Variants in SAMD5 observed in about 807,000 individuals in gnomAD.
SAMD5 encodes sterile alpha motif domain containing 5.
In SAMD5, 13 loss-of-function variants were observed where a neutral mutation model predicts 11.3. The ratio of observed to expected loss-of-function variants is 1.15; its 90% CI spans 0.75 to 1.83. SAMD5 has a LOEUF of 1.83. SAMD5 is among the 40% of genes most tolerant of loss of function. The pLI is 0.00. For missense variants in SAMD5, 255 were observed against 239.1 expected (o/e 1.07, Z -0.44); for synonymous variants, 129 against 111.3 (o/e 1.16, Z -1.00).
At chr6:147,705,832 C>T (rs541420463) in intron 1 of SAMD5, among the ~76,000 whole-genome samples, 6 of 152,266 alleles carry the variant, frequency 3.9e-5, no homozygotes, top group Admixed American at 2.0e-4. Flanking sequence ...TCATTGGGCT[C>T]TTCAGTGGGA....
the SAMD5 span, among the ~76,000 whole-genome samples, chr6:147,769,839 C>G: frequency 6.6e-6 from 1 of 152,160 alleles, no homozygotes; most frequent in South Asian, 2.1e-4. Context: ...ATTACACTTT[C>G]CCTTTGGTCT....
the SAMD5 span, among the ~76,000 whole-genome samples, chr6:147,930,680 G>A: frequency 6.6e-6 from 1 of 152,158 alleles, no homozygotes; most frequent in Non-Finnish European, 1.5e-5. Flanking sequence ...ATGTAGGCCA[G>A]AGGCCTGAGA....
intron 1 of SAMD5, among the ~76,000 whole-genome samples, chr6:147,534,594 G>GC (rs1191516286): frequency 6.6e-6 from 1 of 152,140 alleles, no homozygotes; most frequent in African/African-American, 2.4e-5. Context: ...GAGGGGCGAC[G>GC]CCAGTGAGCC....
At chr6:147,621,483 C>T (rs1403961435) in intron 1 of SAMD5, among the ~76,000 whole-genome samples, 2 of 152,120 alleles carry the variant, frequency 1.3e-5, no homozygotes, top group African/African-American at 4.8e-5. Flanking sequence ...TTCAGGAATC[C>T]ATCCAACAGC....
chr6:147,617,630 G>T (rs1261883925), intron 1 of SAMD5, among the ~76,000 whole-genome samples: 2 of 152,220 alleles, frequency 1.3e-5, no homozygotes, highest in African/African-American at 2.4e-5. Flanking sequence ...GGAAACAAAT[G>T]CTGGGTTACA....
At chr6:147,572,499 A>G (rs1255367688), downstream of SAMD5, among the ~76,000 whole-genome samples, 1 of 152,182 alleles carries the variant, frequency 6.6e-6, no homozygotes, top group Non-Finnish European at 1.5e-5. Flanking sequence ...ACAGTGAGAC[A>G]GGGTCTCACC....
At chr6:147,653,660 C>A (rs1246749314) in intron 1 of SAMD5, among the ~76,000 whole-genome samples, 2 of 152,190 alleles carry the variant, frequency 1.3e-5, no homozygotes, top group African/African-American at 4.8e-5. Flanking sequence ...AAAAAAGACA[C>A]TTTCAAATAT....
At chr6:147,896,136 A>G in the SAMD5 span, among the ~76,000 whole-genome samples, 25 of 152,166 alleles carry the variant, frequency 1.6e-4, no homozygotes, top group East Asian at 4.2e-3. Flanking sequence ...GAACTTTGCT[A>G]TTTTCCTGTT....
the SAMD5 span, among the ~76,000 whole-genome samples, chr6:147,855,035 G>A: frequency 1.3e-5 from 2 of 152,088 alleles, no homozygotes; most frequent in South Asian, 2.1e-4. Context: ...AAAAAGTTTT[G>A]GAGGCTTCAG....
intron 1 of SAMD5, among the ~76,000 whole-genome samples, chr6:147,579,814 G>A (rs976091313): frequency 1.3e-5 from 2 of 152,030 alleles, no homozygotes. Context: ...TATAGGCTGG[G>A]TATTTTCCAA....
intron 1 of SAMD5, 135 bp from the exon 2 acceptor site, chr6:147,564,259 C>T: frequency 1.6e-6 from 1 of 613,478 alleles, no homozygotes; most frequent in Non-Finnish European, 3.0e-6. Flanking sequence ...ACTCTTAGGG[C>T]TGTTCTTCAA....
At chr6:147,626,674 C>G (rs1790054744) in intron 1 of SAMD5, among the ~76,000 whole-genome samples, 1 of 150,360 alleles carries the variant, frequency 6.7e-6, no homozygotes, top group South Asian at 2.1e-4. Flanking sequence ...AAGGCATTGG[C>G]TAATTGTGGT....
chr6:147,764,615 G>T, the SAMD5 span, among the ~76,000 whole-genome samples: 112 of 152,200 alleles, frequency 7.4e-4, no homozygotes, highest in African/African-American at 2.5e-3. Context: ...ATTACGTCTG[G>T]AAGTGTAGTA....
the SAMD5 span, among the ~76,000 whole-genome samples, chr6:147,893,737 C>T: frequency 6.6e-6 from 1 of 152,120 alleles, no homozygotes; most frequent in Non-Finnish European, 1.5e-5. Context: ...GGTAAAATTG[C>T]TGTTCATATT....
the SAMD5 span, among the ~76,000 whole-genome samples, chr6:147,870,769 GAGA>G: frequency 2.9e-5 from 4 of 136,252 alleles, no homozygotes; most frequent in African/African-American, 8.1e-5. Context: ...GTCGGGGAAG[GAGA>G]AGGAGAAAGA....
At chr6:147,846,648 A>T in the SAMD5 span, among the ~76,000 whole-genome samples, 1 of 152,064 alleles carries the variant, frequency 6.6e-6, no homozygotes, top group Non-Finnish European at 1.5e-5. Flanking sequence ...GGGGAAACCC[A>T]GTCTCTACTA....
intron 1 of SAMD5, among the ~76,000 whole-genome samples, chr6:147,640,168 A>T (rs928325598): frequency 6.6e-6 from 1 of 152,010 alleles, no homozygotes; most frequent in African/African-American, 2.4e-5. Context: ...TCTACTAAAA[A>T]TACAAAAATT....
At chr6:147,534,475 AAG>A (rs978214643) in intron 1 of SAMD5, among the ~76,000 whole-genome samples, 2 of 152,182 alleles carry the variant, frequency 1.3e-5, no homozygotes, top group African/African-American at 4.8e-5. Flanking sequence ...GCAATGGAGA[AAG>A]AGTAATTCAC....
rs981684000 is a variant in SAMD5, at chr6:147,567,043, T to C, written c.*2587T>C. The C allele has an allele frequency of 5.3e-6, 5 of 934,968 alleles. No individual in the cohort carries two copies. The highest frequency in any genetic ancestry group is 6.4e-6 in the Non-Finnish European group (5 of 784,224). 57.9% of individuals were successfully genotyped at this position (934,968 alleles called of 1,614,324 possible). A position where few individuals can be genotyped will look rare whatever the true frequency, so the allele number is the denominator to read the frequency against. On this transcript the variant is annotated 3_prime_UTR_variant, in exon 2 of 2. Transcript: ENST00000367474. ...TCTTGATTTACATTTCCTAGAGTAT[T>C]AAAAGAGATTAATTACAGACTTTCA... is the stretch of plus-strand genomic sequence containing the variant.
Sources: allele counts gnomAD v4.1 joint callset (sites outside exome capture counted in the v4.1 genomes callset), GRCh38; gene constraint gnomAD v4.1.1; transcripts MANE v1.5; gene names NCBI Gene and HGNC (gene_info 2026-07-23, HGNC 2026-07-21).